ZNF518A: variants seen among roughly 807,000 people sequenced by gnomAD.
The protein encoded by ZNF518A is zinc finger protein 518.
In ZNF518A, 47 loss-of-function variants were observed where a neutral mutation model predicts 102.7. That is an observed-to-expected ratio of 0.46 (90% CI 0.36 to 0.58). The LOEUF is 0.58. Ranked by LOEUF, ZNF518A falls within the 20% of genes least tolerant of loss-of-function variation. The pLI, the probability that ZNF518A is intolerant of heterozygous loss-of-function variation, is 0.00. For synonymous variants in ZNF518A, 652 were observed against 594.6 expected, an observed-to-expected ratio of 1.10 and a Z score of -1.40; for missense variants, 1,793 against 1,699.8, an observed-to-expected ratio of 1.05 and a Z score of -0.96.
At chr10:96,201,517 TG>T (rs2083634030) in intron 1 of ZNF518A, among the ~76,000 whole-genome samples, 2 of 152,228 alleles carry the variant, frequency 1.3e-5, no homozygotes, top group Non-Finnish European at 2.9e-5. Flanking sequence ...TATTTTTAAA[TG>T]GATTAATAAA....
chr10:96,134,292 G>A (rs1032817873), intron 3 of ZNF518A, among the ~76,000 whole-genome samples: 6 of 152,120 alleles, frequency 3.9e-5, no homozygotes, highest in South Asian at 2.1e-4. Flanking sequence ...GTGCAGTGGC[G>A]CGATCTCGGC....
At chr10:96,197,129 A>T in intron 1 of ZNF518A, 1 of 1,364,322 alleles carries the variant, frequency 7.3e-7, no homozygotes, top group Non-Finnish European at 1.0e-6. Flanking sequence ...AGGTTCAAAA[A>T]ATCATTTTGT....
intron 1 of ZNF518A, chr10:96,191,918 G>A: frequency 6.2e-7 from 1 of 1,608,922 alleles, no homozygotes; most frequent in South Asian, 1.1e-5. Flanking sequence ...TTTCTCAAAA[G>A]GAGAAACTTT....
At chr10:96,150,426 T>C (rs1408587149) in intron 3 of ZNF518A, among the ~76,000 whole-genome samples, 2 of 151,806 alleles carry the variant, frequency 1.3e-5, no homozygotes, top group Non-Finnish European at 2.9e-5. Flanking sequence ...CCTTTTTGGA[T>C]AGCATTTCAT....
At chr10:96,204,074 T>A (rs781847873) in exon 3 of ZNF518A, 2 of 1,613,944 alleles carry the variant, frequency 1.2e-6, no homozygotes, top group East Asian at 4.5e-5. Flanking sequence ...AGGTATGGGT[T>A]TTTGGTGGAT....
At chr10:96,130,195 C>A (rs1345793101), upstream of ZNF518A, 4 of 152,814 alleles carry the variant, frequency 2.6e-5, 1 homozygote, top group South Asian at 6.2e-4. Context: ...AGGCAAACGG[C>A]GAGTTTGTGG....
downstream of ZNF518A, among the ~76,000 whole-genome samples, chr10:96,166,095 C>A (rs936662572): frequency 1.3e-5 from 2 of 152,160 alleles, no homozygotes; most frequent in Non-Finnish European, 2.9e-5. Flanking sequence ...AAAGCTGTCT[C>A]AGCTCCTGGG....
At chr10:96,180,399 G>T (rs1159745557) in intron 1 of ZNF518A, among the ~76,000 whole-genome samples, 1 of 151,634 alleles carries the variant, frequency 6.6e-6, no homozygotes, top group Non-Finnish European at 1.5e-5. Context: ...ACAACGTGCA[G>T]GTTTGTTACA....
chr10:96,181,018 C>G (rs2133892500), intron 1 of ZNF518A, among the ~76,000 whole-genome samples: 1 of 152,292 alleles, frequency 6.6e-6, no homozygotes, highest in South Asian at 2.1e-4. Context: ...TGTTTCCTGA[C>G]TTTTTAATGA....
intron 4 of ZNF518A, 133 bp from the exon 5 acceptor site, chr10:96,155,791 A>G (rs1312355377): frequency 6.6e-6 from 1 of 152,330 alleles, no homozygotes; most frequent in Non-Finnish European, 1.5e-5. Flanking sequence ...TAGTATATGG[A>G]TAAACCACAT....
intron 1 of ZNF518A, among the ~76,000 whole-genome samples, chr10:96,178,815 G>C (rs782509668): frequency 6.6e-6 from 1 of 151,810 alleles, no homozygotes; most frequent in East Asian, 1.9e-4. Flanking sequence ...AATAAATTTG[G>C]TATCCTAGTT....
intron 1 of ZNF518A, among the ~76,000 whole-genome samples, chr10:96,194,529 C>T (rs2083409744): frequency 6.6e-6 from 1 of 152,022 alleles, no homozygotes; most frequent in Non-Finnish European, 1.5e-5. Flanking sequence ...TTTTGCTCAG[C>T]AAATAACACA....
At chr10:96,155,585 C>G (rs1210895838) in intron 4 of ZNF518A, 2 of 152,082 alleles carry the variant, frequency 1.3e-5, no homozygotes, top group Admixed American at 6.6e-5. Context: ...CCTTTTTGTT[C>G]TTTTTGTTTG....
intron 3 of ZNF518A, among the ~76,000 whole-genome samples, chr10:96,151,945 T>C (rs587706705): frequency 1.2e-3 from 189 of 152,346 alleles, no homozygotes; most frequent in Non-Finnish European, 2.1e-3. Context: ...TCAAGACTTA[T>C]TGAGATGTTG....
chr10:96,158,605 G>T lies in ZNF518A; in HGVS notation c.2283G>T (p.Met761Ile). 1 of 1,613,338 alleles carries T rather than the reference G, an allele frequency of 6.2e-7. No individual in the cohort carries two copies. Among genetic ancestry groups the T allele is most frequent in the Non-Finnish European group, 8.5e-7 (1 of 1,179,648 alleles). Residue 761 changes from methionine to isoleucine, a missense_variant, in exon 6 of 6, where the codon ATG (methionine) becomes ATT (isoleucine). Around this residue, in one of 3 missense-constraint regions of ZNF518A, gnomAD observed 1,741 missense variants for 1,622.6 expected, o/e 1.07. Transcript: ENST00000316045. The stretch of plus-strand genomic sequence containing the variant: ...TTTCTAATGTCGATTCACCTATGAT[G>T]CCTAGAATCACATCTGTTTTCTCTC... ...EDFSNVDSPM[M>I]PRITSVFSLQ...
chr10:96,130,331 T>G lies in ZNF518A; in HGVS notation c.-874T>G, dbSNP rs1253076294. Among the ~76,000 whole-genome samples the G allele has an allele frequency of 1.3e-5, 2 of 152,242 alleles. No individual in the cohort carries two copies. The highest frequency in any genetic ancestry group is 2.9e-5 in the Non-Finnish European group (2 of 68,020). On this transcript the variant is annotated 5_prime_UTR_variant, in exon 1 of 6. Coordinates refer to ENST00000316045, the MANE Select transcript of ZNF518A (RefSeq NM_001330736.2). Reference sequence around the variant, plus strand: ...CAAAGTTTTTCTGGAGAAGTCGGGGTTTTTTTGCCGAGCGCTTTTGCCGAC... The same window carrying G: ...CAAAGTTTTTCTGGAGAAGTCGGGGGTTTTTTGCCGAGCGCTTTTGCCGAC...
At chr10:96,139,140 C>T (rs2081777075) in intron 3 of ZNF518A, among the ~76,000 whole-genome samples, 1 of 151,982 alleles carries the variant, frequency 6.6e-6, no homozygotes, top group African/African-American at 2.4e-5. Context: ...AGCTGAGAAT[C>T]TGTGGCAGCT....
At chr10:96,151,019 C>T (rs1554880247) in intron 3 of ZNF518A, among the ~76,000 whole-genome samples, 1 of 151,998 alleles carries the variant, frequency 6.6e-6, no homozygotes, top group African/African-American at 2.4e-5. Context: ...TCCCAAAGTG[C>T]TGGGATTACA....
At chr10:96,195,794 T>C (rs1240554323) in intron 1 of ZNF518A, among the ~76,000 whole-genome samples, 7 of 152,240 alleles carry the variant, frequency 4.6e-5, no homozygotes, top group African/African-American at 1.7e-4. Context: ...GTAAATTTTA[T>C]ATGTGGTTTT....
Sources: allele counts gnomAD v4.1 joint callset (sites outside exome capture counted in the v4.1 genomes callset), GRCh38; gene constraint gnomAD v4.1.1; regional missense constraint gnomAD v4.1.1; transcripts MANE v1.5; gene names NCBI Gene and HGNC (gene_info 2026-07-23, HGNC 2026-07-21).